Variants in UBN2 observed in about 807,000 individuals in gnomAD.
UBN2 encodes ubinuclein-2.
A neutral mutation model predicts 120.2 loss-of-function variants in UBN2; 35 were observed. The ratio of observed to expected loss-of-function variants is 0.29; its 90% CI spans 0.22 to 0.39. UBN2 has a LOEUF of 0.39. Among genes scored for constraint, UBN2 ranks in the 10% least tolerant of loss-of-function variants. The pLI is 1.00. For synonymous variants in UBN2, 661 were observed against 648.7 expected (o/e 1.02, Z -0.29); for missense variants, 1,693 against 1,663.2 (o/e 1.02, Z -0.31).
At position 139,264,197 on chromosome 7, in the gene UBN2, A is replaced by G. The variant is rs185224243; in HGVS notation, c.1396-2136A>G. ...AATCGTTTATTTCAACAGTTGTACT[A>G]TCAATTCCGTATTACTTTACTTATT... On this transcript the variant is annotated intron_variant, in intron 6 of 17. Transcript: ENST00000473989. Among the ~76,000 whole-genome samples the G allele has an allele frequency of 1.2e-4, 18 of 152,330 alleles. No homozygotes were observed. The East Asian group carries it at 3.3e-3, about 28-fold the overall frequency.
At position 139,231,680 on chromosome 7, in the gene UBN2, C is replaced by T. The variant is rs1321593955; in HGVS notation, c.196C>T (p.Pro66Ser). Residue 66 changes from proline (P) to serine (S), a missense_variant, in exon 1 of 18, where the codon CCG (proline) becomes TCG (serine). By Grantham distance (74) the Pro-to-Ser change is moderately conservative. Coordinates refer to ENST00000473989, the MANE Select transcript of UBN2 (RefSeq NM_173569.4). ...EPAPRSDAQP[P>S]SREKPLPQRE... ...TGCCCCCCGCTCGGACGCGCAGCCCCCGTCGCGGGAGAAGCCGCTCCCCCA... is the reference window on the plus strand; with the variant it reads ...TGCCCCCCGCTCGGACGCGCAGCCCTCGTCGCGGGAGAAGCCGCTCCCCCA... 8.4e-7 allele frequency: 1 copy of T among 1,184,544 alleles called. No individual in the cohort carries two copies. Among genetic ancestry groups the T allele is most frequent in the Non-Finnish European group, 1.0e-6 (1 of 960,456 alleles). The allele number at this position is 1,184,544 out of a possible 1,614,324, so 73.4% of individuals were successfully genotyped here. A position where few individuals can be genotyped will look rare whatever the true frequency, so the allele number is the denominator to read the frequency against.
In UBN2 at chr7:139,261,460, T is replaced by C; in HGVS notation, c.1114T>C (p.Leu372=). Residue 372 remains leucine (L), a synonymous_variant, in exon 6 of 18, where the codon TTA becomes CTA. Coordinates refer to ENST00000473989, the MANE Select transcript of UBN2 (RefSeq NM_173569.4). ...AAALGNDVPD[L]NLSSGDPDLP... ...AGCACTGGGGAATGACGTCCCGGAC[T>C]TAAATCTGAGCAGCGGTGATCCAGA... 6.2e-7 allele frequency: 1 copy of C among 1,614,252 alleles called. No homozygotes were observed. Among genetic ancestry groups the C allele is most frequent in the East Asian group, 2.2e-5 (1 of 44,894 alleles).
At chr7:139,279,670 A>G (rs1249153228) in intron 13 of UBN2, among the ~76,000 whole-genome samples, 1 of 152,220 alleles carries the variant, frequency 6.6e-6, no homozygotes, top group Non-Finnish European at 1.5e-5. Context: ...TCATAAGACC[A>G]GAAACAAAAA....
At chr7:139,323,595 A>ATTATTATT in the UBN2 span, among the ~76,000 whole-genome samples, 22 of 124,386 alleles carry the variant, frequency 1.8e-4, no homozygotes, top group African/African-American at 6.6e-4. Context: ...TATTATTATT[A>ATTATTATT]TTATTATTTT....
intron 6 of UBN2, among the ~76,000 whole-genome samples, chr7:139,263,537 G>T (rs1426489646): frequency 6.6e-6 from 1 of 152,138 alleles, no homozygotes; most frequent in Non-Finnish European, 1.5e-5. Context: ...ACTTTGGGAG[G>T]CCGAGGTGGG....
At chr7:139,294,860 T>A (rs1030883686) in intron 17 of UBN2, among the ~76,000 whole-genome samples, 2 of 152,022 alleles carry the variant, frequency 1.3e-5, no homozygotes, top group South Asian at 2.1e-4. Flanking sequence ...ATTAATATGA[T>A]CCAAGCTGTA....
Position 139,297,535 on chromosome 7 carries a change from T to G in UBN2, c.3995-252T>G, listed in dbSNP as rs368058343. ...CTGGGACGTAAATGATAAATACTTG[T>G]TGAAATCATATTTAAAAAACACTGA... On this transcript the variant is annotated intron_variant, in intron 17 of 17. Coordinates refer to ENST00000473989, the MANE Select transcript of UBN2 (RefSeq NM_173569.4). Among the ~76,000 whole-genome samples, 16 of 152,322 alleles carry G rather than the reference T, an allele frequency of 1.1e-4. No individual in the cohort carries two copies. The East Asian group carries it at 1.5e-3, about 15-fold the overall frequency.
chr7:139,237,266 G>T (rs1796189401), intron 2 of UBN2, among the ~76,000 whole-genome samples, 169 bp downstream of exon 2: 1 of 152,138 alleles, frequency 6.6e-6, no homozygotes, highest in African/African-American at 2.4e-5. Flanking sequence ...ACAGGCTTGT[G>T]ATAGTTAAAG....
rs748441324 is a variant in UBN2, at chr7:139,273,438, A to T, written c.1829+28A>T. 2.1e-6 allele frequency: 3 copies of T among 1,441,174 alleles called. No homozygotes were observed. In the East Asian group the frequency reaches 6.9e-5, roughly 33 times the overall value. The allele number at this position is 1,441,174 out of a possible 1,614,324, so 89.3% of individuals were successfully genotyped here. ...AAGATTTAATTAGTTTTCACTTTTA[A>T]TATATAATGCAGAAGTAAGATTCCT... On this transcript the variant is annotated intron_variant, in intron 10 of 17. Coordinates refer to ENST00000473989, the MANE Select transcript of UBN2 (RefSeq NM_173569.4).
intron 15 of UBN2, among the ~76,000 whole-genome samples, chr7:139,291,782 A>G (rs1797964784): frequency 6.6e-6 from 1 of 151,060 alleles, no homozygotes; most frequent in South Asian, 2.1e-4. Flanking sequence ...TGAGCCCAGG[A>G]GTTTGAGTCT....
rs370784134 is a variant in UBN2, at chr7:139,283,670, C to T, written c.2765C>T (p.Ser922Leu). 1.5e-5 allele frequency: 25 copies of T among 1,614,014 alleles called. No individual in the cohort carries two copies. The highest frequency in any genetic ancestry group is 1.3e-4 in the African/African-American group (10 of 74,916). The change falls in exon 15 of 18, where the codon TCG becomes TTG. Residue 922 changes from serine (S) to leucine (L), a missense_variant. By Grantham distance (145) the Ser-to-Leu change is moderately radical (BLOSUM62 -2). Coordinates refer to ENST00000473989, the MANE Select transcript of UBN2 (RefSeq NM_173569.4). ...ACATCCGAGGCCCAAGATGCTTCTT[C>T]GTTAACACAAGTAACAAAGGTGCAC... ...LGTSEAQDAS[S>L]LTQVTKVHQH...
chr7:139,327,530 A>G, the UBN2 span, among the ~76,000 whole-genome samples: 2 of 152,104 alleles, frequency 1.3e-5, no homozygotes, highest in Non-Finnish European at 2.9e-5. Context: ...CAAGAAAGCA[A>G]AAGGGGCCCA....
rs558110951 is a variant in UBN2, at chr7:139,299,418, A to T, written c.*1582A>T. 17 of 152,280 alleles carry T rather than the reference A, an allele frequency of 1.1e-4. 1 individual carries two copies. Among genetic ancestry groups the T allele is most frequent in the African/African-American group, 4.1e-4 (17 of 41,566 alleles). 9.4% of individuals were successfully genotyped at this position (152,280 alleles called of 1,614,324 possible). ...AACCAGGCCCTTTTTTCTTTTATAC[A>T]CAAAAGTCCCAGATACCCTACAGGA... is the stretch of plus-strand genomic sequence containing the variant. On this transcript the variant is annotated 3_prime_UTR_variant, in exon 18 of 18. Coordinates refer to ENST00000473989, the MANE Select transcript of UBN2 (RefSeq NM_173569.4).
rs1798304802 is a variant in UBN2, at chr7:139,303,410, T to C, written c.*5574T>C. Reference sequence around the variant, plus strand: ...TGCCCCCCTTTCAATACATTCTAATTGGGAAGAAGAAGAGACTAGTGGCTT... The same window carrying C: ...TGCCCCCCTTTCAATACATTCTAATCGGGAAGAAGAAGAGACTAGTGGCTT... On this transcript the variant is annotated 3_prime_UTR_variant, in exon 18 of 18. Coordinates refer to ENST00000473989, the MANE Select transcript of UBN2 (RefSeq NM_173569.4). The C allele has an allele frequency of 6.6e-6, 1 of 152,120 alleles. No individual in the cohort carries two copies. Among genetic ancestry groups the C allele is most frequent in the Admixed American group, 6.6e-5 (1 of 15,266 alleles). The allele number at this position is 152,120 out of a possible 1,614,324, so 9.4% of individuals were successfully genotyped here. A position where few individuals can be genotyped will look rare whatever the true frequency, so the allele number is the denominator to read the frequency against.
At chr7:139,240,829 G>A (rs1313341746) in intron 2 of UBN2, among the ~76,000 whole-genome samples, 2 of 152,110 alleles carry the variant, frequency 1.3e-5, no homozygotes, top group Non-Finnish European at 1.5e-5. Flanking sequence ...TTTGGGAAAA[G>A]GTCAATATGA....
At chr7:139,280,507 T>C (rs1424948941) in intron 13 of UBN2, among the ~76,000 whole-genome samples, 1 of 152,190 alleles carries the variant, frequency 6.6e-6, no homozygotes, top group East Asian at 1.9e-4. Flanking sequence ...GTTTTTGTTG[T>C]TGTTGTTGTT....
chr7:139,270,409 C>T (rs983964462), intron 8 of UBN2, among the ~76,000 whole-genome samples: 3 of 151,742 alleles, frequency 2.0e-5, no homozygotes, highest in Non-Finnish European at 4.4e-5. Flanking sequence ...GCTGTGATTA[C>T]AGGCACCCGC....
intron 7 of UBN2, 110 bp downstream of exon 7, chr7:139,266,513 T>C: frequency 1.7e-6 from 1 of 589,950 alleles, no homozygotes; most frequent in Non-Finnish European, 3.0e-6. Context: ...GTTCTTCCCC[T>C]TAAGCCTTAC....
Position 139,258,551 on chromosome 7 carries a change from A to G in UBN2, c.727A>G (p.Thr243Ala), listed in dbSNP as rs910740851. 1 of 1,606,740 alleles carries G rather than the reference A, an allele frequency of 6.2e-7. No individual in the cohort carries two copies. The highest frequency in any genetic ancestry group is 8.5e-7 in the Non-Finnish European group (1 of 1,176,130). ...KYGGFYINTG[T>A]LQFRQASDTE... ...TGGAGGCTTTTATATCAACACTGGC[A>G]CTCTACAGTTTCGCCAAGCTTCAGA... Residue 243 changes from threonine (T) to alanine (A), a missense_variant, in exon 4 of 18, where the codon ACT becomes GCT. Thr to Ala is a moderately conservative substitution (Grantham distance 58). Coordinates refer to ENST00000473989, the MANE Select transcript of UBN2 (RefSeq NM_173569.4).
Sources: gnomAD v4.1 joint callset for allele counts (sites outside exome capture counted in the v4.1 genomes callset) on GRCh38, gnomAD v4.1.1 for gene constraint, MANE v1.5 for transcripts, NCBI Gene and HGNC (gene_info 2026-07-23, HGNC 2026-07-21) for gene names.